The following ARAP1 variants were observed in gnomAD, a reference collection of about 807,000 sequenced individuals.
The protein encoded by ARAP1 is ArfGAP with RhoGAP domain, ankyrin repeat and PH domain 1, also known as arf-GAP with Rho-GAP domain, ANK repeat and PH domain-containing protein 1.
Under a neutral mutation model 172.2 loss-of-function variants are expected in ARAP1, and 76 were observed. The observed-to-expected ratio is 0.44, with a 90% CI of 0.37 to 0.53. The LOEUF (loss-of-function observed/expected upper bound fraction) is 0.53, where lower values mean the gene tolerates loss of function less well. Among genes scored for constraint, ARAP1 ranks in the 20% least tolerant of loss-of-function variants. The probability of loss-of-function intolerance (pLI) is 0.00; values close to 1 mark genes in which losing one functional copy is unlikely to be tolerated. For synonymous variants in ARAP1, 804 were observed against 803.3 expected (o/e 1.00, Z -0.01); for missense variants, 1,686 against 1,977.5 (o/e 0.85, Z 2.80).
chr11:72,735,092 C>T (rs937992468), intron 1 of ARAP1, among the ~76,000 whole-genome samples: 1 of 152,016 alleles, frequency 6.6e-6, no homozygotes, highest in Non-Finnish European at 1.5e-5. Flanking sequence ...GCAATTATCC[C>T]ACGTCAGCCT....
chr11:72,707,060 G>A (rs1386145357), intron 12 of ARAP1, 115 bp downstream of exon 12: 2 of 1,135,330 alleles, frequency 1.8e-6, no homozygotes, highest in Admixed American at 5.7e-5. Flanking sequence ...CTCATCAACA[G>A]CAGCTCTCTG....
Position 72,710,993 on chromosome 11 carries a change from C to T in ARAP1, c.1213+28G>A. ...CCAGTCTTCTCTACCCTCTTCTACACACACACACAACACCCCACACTCCCC... is the reference window on the plus strand; with the variant it reads ...CCAGTCTTCTCTACCCTCTTCTACATACACACACAACACCCCACACTCCCC... On this transcript the variant is annotated intron_variant, in intron 9 of 34. Transcript: ENST00000393609. The surrounding 1 kb of genome is among the most constrained non-coding windows in gnomAD (Gnocchi z 4.3). 1 of 1,613,758 alleles carries T rather than the reference C, an allele frequency of 6.2e-7. No homozygotes were observed.
In ARAP1 at chr11:72,686,039, C is replaced by T. The variant is rs1565206644; in HGVS notation, c.4335+3G>A. 1 of 1,614,054 alleles carries T rather than the reference C, an allele frequency of 6.2e-7. No individual in the cohort carries two copies. On this transcript the variant is annotated splice_donor_region_variant and intron_variant, in intron 34 of 34. Transcript: ENST00000393609. ...CTGCCCAAAGGCATGGAGAGCCACT[C>T]ACAGACAGAGGGTCCGCGGTGAAGG...
rs140593482 is a variant in ARAP1, at chr11:72,691,981, G to A, written c.3987+772C>T. On this transcript the variant is annotated intron_variant, in intron 30 of 34. Transcript: ENST00000393609. Reference sequence around the variant, plus strand: ...GTTCGCACTCTTACGAGAATCTAACGCCGCTGCTGACCTAACAGGAGGCAG... The same window carrying A: ...GTTCGCACTCTTACGAGAATCTAACACCGCTGCTGACCTAACAGGAGGCAG... Among the ~76,000 whole-genome samples, 302 of 152,236 alleles carry A rather than the reference G, an allele frequency of 2.0e-3. 2 individuals carry two copies. The highest frequency in any genetic ancestry group is 3.0e-3 in the Non-Finnish European group (201 of 68,010).
At chr11:72,724,890 C>A (rs78543285) in intron 3 of ARAP1, among the ~76,000 whole-genome samples, 1 of 152,204 alleles carries the variant, frequency 6.6e-6, no homozygotes, top group Non-Finnish European at 1.5e-5. Flanking sequence ...CTGGCCTCCT[C>A]CTCATGTTGC....
intron 30 of ARAP1, 99 bp downstream of exon 30, chr11:72,692,654 A>T (rs1267191919): frequency 4.0e-6 from 6 of 1,495,444 alleles, no homozygotes; most frequent in Non-Finnish European, 5.6e-6. Context: ...CCATGCCTGG[A>T]GATGGCCAGG....
intron 1 of ARAP1, among the ~76,000 whole-genome samples, chr11:72,751,342 G>C (rs1038654912): frequency 6.6e-6 from 1 of 152,124 alleles, no homozygotes; most frequent in Non-Finnish European, 1.5e-5. Flanking sequence ...GCCTTTGGAG[G>C]GTCCTTATCC....
At chr11:72,723,511 A>T (rs752859893) in intron 3 of ARAP1, among the ~76,000 whole-genome samples, 8 of 152,114 alleles carry the variant, frequency 5.3e-5, no homozygotes, top group Non-Finnish European at 8.8e-5. Context: ...ATCCTATCAC[A>T]GCCTCGTTCT....
At chr11:72,714,098 C>G in intron 4 of ARAP1, 54 bp downstream of exon 4, 1 of 1,393,888 alleles carries the variant, frequency 7.2e-7, no homozygotes, top group Non-Finnish European at 9.3e-7. Flanking sequence ...AGGCCTGATT[C>G]CAGGGATCCC....
intron 1 of ARAP1, among the ~76,000 whole-genome samples, chr11:72,752,115 C>A (rs1032139614): frequency 4.6e-5 from 7 of 152,240 alleles, no homozygotes; most frequent in Non-Finnish European, 1.0e-4. Flanking sequence ...CCCCGGGTCC[C>A]GCTGGTTCAC....
Position 72,710,903 on chromosome 11 carries a change from TC to T in ARAP1, c.1213+117del. The T allele has an allele frequency of 2.6e-6, 4 of 1,550,968 alleles. No homozygotes were observed. Among genetic ancestry groups the T allele is most frequent in the Non-Finnish European group, 3.5e-6 (4 of 1,143,196 alleles). On this transcript the variant is annotated intron_variant, in intron 9 of 34. Coordinates refer to ENST00000393609, the MANE Select transcript of ARAP1 (RefSeq NM_001040118.3). This position sits in a 1 kb window ranked among gnomAD's most constrained non-coding sequence, Gnocchi z 4.3. Reference sequence around the variant, plus strand: ...GCCCACCTCACAAAGGCAGCATGCCTCCCCGGATGTGATGTGAGAGGGCAGA... The same window carrying T: ...GCCCACCTCACAAAGGCAGCATGCCTCCCGGATGTGATGTGAGAGGGCAGA...
chr11:72,723,341 T>C (rs1024563688), intron 3 of ARAP1, among the ~76,000 whole-genome samples: 13 of 152,044 alleles, frequency 8.6e-5, no homozygotes, highest in Admixed American at 3.3e-4. Context: ...ATAATAATAA[T>C]AGCAGGGGGT....
At position 72,692,774 on chromosome 11, in the gene ARAP1, C is replaced by T. The variant is rs751705797; in HGVS notation, c.3966G>A (p.Pro1322=). The part of the protein sequence containing the change: ...RLYKEVRSQR[P]WSGAPETSHR... ...TCACGGTCTCAGGGGCCCCGCTCCACGGCCTCTGGCTCTGTTTGATAGAGG... is the reference window on the plus strand; with the variant it reads ...TCACGGTCTCAGGGGCCCCGCTCCATGGCCTCTGGCTCTGTTTGATAGAGG... The change falls in exon 30 of 35, where the codon CCG becomes CCA. Residue 1322 remains proline, a synonymous_variant. Transcript: ENST00000393609. 27 of 1,613,524 alleles carry T rather than the reference C, an allele frequency of 1.7e-5. No individual in the cohort carries two copies. Among genetic ancestry groups the T allele is most frequent in the South Asian group, 7.7e-5 (7 of 91,092 alleles).
chr11:72,697,588 C>T lies in ARAP1; in HGVS notation c.2789+10G>A, dbSNP rs368532642. On this transcript the variant is annotated intron_variant, in intron 20 of 34. Coordinates refer to ENST00000393609, the MANE Select transcript of ARAP1 (RefSeq NM_001040118.3). ...CCTTCTCAGAGCCCCTCAGGGAGGC[C>T]GTGGCTCACCTCCTTCGCTCCACCA... The T allele has an allele frequency of 5.0e-6, 8 of 1,614,032 alleles. No individual in the cohort carries two copies. The highest frequency in any genetic ancestry group is 2.2e-5 in the East Asian group (1 of 44,882).
At chr11:72,740,746 C>G (rs1351245214) in intron 1 of ARAP1, among the ~76,000 whole-genome samples, 13 of 152,178 alleles carry the variant, frequency 8.5e-5, no homozygotes, top group Non-Finnish European at 1.5e-4. Flanking sequence ...TGGTGGCCAG[C>G]AGCACAGAGC....
At chr11:72,723,520 C>T (rs1857594056) in intron 3 of ARAP1, among the ~76,000 whole-genome samples, 1 of 152,174 alleles carries the variant, frequency 6.6e-6, no homozygotes, top group Non-Finnish European at 1.5e-5. Flanking sequence ...CAGCCTCGTT[C>T]TTCCCACCTG....
Position 72,725,371 on chromosome 11 carries a change from G to A in ARAP1, c.509+1249C>T, listed in dbSNP as rs535004497. ...AGCTGATGGGGTTGAAATAGAAAAC[G>A]CTCCTGCATGCAGAAGAATGGTCAC... is the stretch of plus-strand genomic sequence containing the variant. On this transcript the variant is annotated intron_variant, in intron 3 of 34. Coordinates refer to ENST00000393609, the MANE Select transcript of ARAP1 (RefSeq NM_001040118.3). This position sits in a 1 kb window ranked among gnomAD's most constrained non-coding sequence, Gnocchi z 4.3. Among the ~76,000 whole-genome samples the A allele has an allele frequency of 2.6e-5, 4 of 151,064 alleles. No individual in the cohort carries two copies.
chr11:72,714,390 G>T, intron 3 of ARAP1, 69 bp from the exon 4 acceptor site: 2 of 1,473,276 alleles, frequency 1.4e-6, no homozygotes, highest in Non-Finnish European at 1.8e-6. Flanking sequence ...TGAGCCCCCA[G>T]CTCACCTGAA....
At chr11:72,712,994 C>T in intron 5 of ARAP1, 182 bp downstream of exon 5, 1 of 675,448 alleles carries the variant, frequency 1.5e-6, no homozygotes, top group Non-Finnish European at 2.5e-6. Flanking sequence ...CGACCCCTGG[C>T]CCAGAGCGCT....
Sources: gnomAD v4.1 joint callset for allele counts (sites outside exome capture counted in the v4.1 genomes callset) on GRCh38, gnomAD v4.1.1 for gene constraint, Gnocchi (gnomAD v3.1) non-coding constraint, MANE v1.5 for transcripts, NCBI Gene and HGNC (gene_info 2026-07-23, HGNC 2026-07-21) for gene names.